Variants in ARL13B observed in about 807,000 individuals in gnomAD.
The protein encoded by ARL13B is ARF like GTPase 13B.
A neutral mutation model predicts 56.1 loss-of-function variants in ARL13B; 36 were observed. That is an observed-to-expected ratio of 0.64 (90% confidence interval 0.49 to 0.85). The LOEUF is 0.85. ARL13B is among the 40% of genes least tolerant of loss of function. ARL13B has a pLI of 0.00. For synonymous variants in ARL13B, 178 were observed against 171.1 expected (o/e 1.04, Z -0.32); for missense variants, 519 against 507.1 (o/e 1.02, Z -0.23).
rs1399117619 is a variant in ARL13B, at chr3:94,043,071, T to A, written c.855T>A (p.Asp285Glu). The change falls in exon 7 of 10, where the codon GAT (aspartate) becomes GAA (glutamate). Residue 285 changes from aspartate (D) to glutamate (E), a missense_variant. Transcript: ENST00000394222. ...ACCAAAAAATGGAGAAAGACAGTGA[T>A]GGCTGCCACCTGAAACATAAAATGG... ...KKNQKMEKDS[D>E]GCHLKHKMEH... is the part of the protein sequence containing the mutation. 1.2e-6 allele frequency: 2 copies of A among 1,613,372 alleles called. No homozygotes were observed. The highest frequency in any genetic ancestry group is 8.5e-7 in the Non-Finnish European group (1 of 1,179,892).
rs201429461 is a variant in ARL13B at position 94,050,812 on chromosome 3, C to A, written c.1142-12C>A. On this transcript the variant is annotated splice_polypyrimidine_tract_variant and intron_variant, in intron 8 of 9. Coordinates refer to ENST00000394222, the MANE Select transcript of ARL13B (RefSeq NM_001174150.2). ...TTAACAGTGTTTTTTAAATGTTTTT[C>A]TTTTTCTTTAGTTGGCTGGGGAACC... 12 of 1,609,810 alleles carry A rather than the reference C, an allele frequency of 7.5e-6. No individual in the cohort carries two copies. Among genetic ancestry groups the A allele is most frequent in the African/African-American group, 2.7e-5 (2 of 74,968 alleles).
At chr3:94,036,406 A>G (rs1161702821) in intron 4 of ARL13B, 146 bp from the exon 5 acceptor site, 3 of 760,944 alleles carry the variant, frequency 3.9e-6, no homozygotes, top group East Asian at 5.4e-5. Flanking sequence ...TTGCAGTGCT[A>G]TGTTTTGGAA....
intron 3 of ARL13B, among the ~76,000 whole-genome samples, chr3:94,022,916 G>C (rs1348374092): frequency 6.6e-6 from 1 of 151,872 alleles, no homozygotes; most frequent in East Asian, 1.9e-4. Context: ...TAAAACTGAA[G>C]TGAATTGAAC....
intron 1 of ARL13B, among the ~76,000 whole-genome samples, chr3:93,983,448 GA>G (rs889508913): frequency 8.5e-5 from 13 of 152,100 alleles, no homozygotes; most frequent in African/African-American, 2.9e-4. Flanking sequence ...ATAAACTCTT[GA>G]AATTTTATTG....
Position 93,980,474 on chromosome 3 carries a change from G to C in ARL13B, c.51G>C (p.Glu17Asp). The C allele has an allele frequency of 6.2e-7, 1 of 1,611,442 alleles. No individual in the cohort carries two copies. Among genetic ancestry groups the C allele is most frequent in the Non-Finnish European group, 8.5e-7 (1 of 1,179,980 alleles). The change falls in exon 1 of 10, where the codon GAG (glutamate) becomes GAC (aspartate). Residue 17 changes from glutamate (E) to aspartate (D), a missense_variant. Transcript: ENST00000394222. ...SCCGWFKRWREPVRKVTLLMV... is the reference protein window; with the variant it reads ...SCCGWFKRWRDPVRKVTLLMV... ...GCGGCTGGTTCAAGCGGTGGCGGGA[G>C]CCTGTCAGGTAGGCTGGAGCCAGCT...
At chr3:93,996,514 C>G in intron 2 of ARL13B, 1 of 268,226 alleles carries the variant, frequency 3.7e-6, no homozygotes, top group Non-Finnish European at 7.7e-6. Flanking sequence ...GCTGGCTAGT[C>G]TTCTTTTTTT....
In ARL13B at chr3:94,036,714, C is replaced by T; in HGVS notation, c.649C>T (p.Gln217Ter). Residue 217 changes from glutamine to a stop codon, truncating the protein, a stop_gained, in exon 5 of 10, where the codon CAA (glutamine) becomes TAA (stop). Transcript: ENST00000394222. LOFTEE classifies it high-confidence loss of function. ...EQRALEEQEK[Q>*]ERAERVRKLR... Reference sequence around the variant, plus strand: ...GCGTGCTCTTGAGGAACAAGAGAAACAAGAAAGAGCTGAACGAGTGCGAAA... The same window carrying T: ...GCGTGCTCTTGAGGAACAAGAGAAATAAGAAAGAGCTGAACGAGTGCGAAA... 4.3e-6 allele frequency: 7 copies of T among 1,613,574 alleles called. No homozygotes were observed. Among genetic ancestry groups the T allele is most frequent in the Non-Finnish European group, 5.9e-6 (7 of 1,179,752 alleles).
chr3:94,042,499 A>G (rs1204181486), intron 6 of ARL13B, among the ~76,000 whole-genome samples: 1 of 152,222 alleles, frequency 6.6e-6, no homozygotes, highest in Non-Finnish European at 1.5e-5. Context: ...TCTAACATTT[A>G]TGTAGCATTT....
chr3:94,015,748 G>A (rs1027340096), intron 3 of ARL13B, among the ~76,000 whole-genome samples: 1 of 152,108 alleles, frequency 6.6e-6, no homozygotes. Context: ...AACCATTGTA[G>A]TGACAGTACA....
rs1367496481 is a variant in ARL13B, at chr3:94,054,548, G to T, written c.*1285G>T. The T allele has an allele frequency of 1.3e-5, 5 of 396,968 alleles. No homozygotes were observed. Among genetic ancestry groups the T allele is most frequent in the African/African-American group, 1.1e-4 (5 of 47,582 alleles). The allele number at this position is 396,968 out of a possible 1,614,324, so 24.6% of individuals were successfully genotyped here. A position where few individuals can be genotyped will look rare whatever the true frequency, so the allele number is the denominator to read the frequency against. On this transcript the variant is annotated 3_prime_UTR_variant, in exon 10 of 10. Coordinates refer to ENST00000394222, the MANE Select transcript of ARL13B (RefSeq NM_001174150.2). ...TTTTTATACCACCTTGTTAAGATTG[G>T]TGCTTTTGGTAACTTGTACTGACAC...
chr3:93,982,756 T>G (rs1280619210), intron 1 of ARL13B, among the ~76,000 whole-genome samples: 2 of 152,164 alleles, frequency 1.3e-5, no homozygotes, highest in Non-Finnish European at 2.9e-5. Flanking sequence ...CTAAGTCCCC[T>G]TGTTCAATGC....
intron 3 of ARL13B, among the ~76,000 whole-genome samples, chr3:94,009,074 A>AAGATAGATAGAT (rs58584662): frequency 0.041 from 5,957 of 143,916 alleles, 150 homozygotes; most frequent in Middle Eastern, 0.067. Context: ...AGGAGCAGTA[A>AAGATAGATAGAT]AGATAGATAG....
chr3:94,046,650 CA>C (rs1297132905), intron 7 of ARL13B, among the ~76,000 whole-genome samples: 1 of 149,722 alleles, frequency 6.7e-6, no homozygotes, highest in African/African-American at 2.4e-5. Context: ...TCATGTACAA[CA>C]AAAAAAAAGA....
intron 3 of ARL13B, among the ~76,000 whole-genome samples, chr3:94,029,610 G>A (rs1250115743): frequency 6.6e-6 from 1 of 151,302 alleles, no homozygotes; most frequent in Non-Finnish European, 1.5e-5. Flanking sequence ...CAAAGTTCTG[G>A]GATTACAGAT....
At position 94,055,643 on chromosome 3, in the gene ARL13B, C is replaced by G. The variant is rs1399379886; in HGVS notation, c.*2380C>G. The G allele has an allele frequency of 2.2e-6, 1 of 453,058 alleles. No individual in the cohort carries two copies. Among genetic ancestry groups the G allele is most frequent in the Non-Finnish European group, 4.4e-6 (1 of 226,246 alleles). The allele number at this position is 453,058 out of a possible 1,614,324, so 28.1% of individuals were successfully genotyped here. A position where few individuals can be genotyped will look rare whatever the true frequency, so the allele number is the denominator to read the frequency against. On this transcript the variant is annotated 3_prime_UTR_variant, in exon 10 of 10. Coordinates refer to ENST00000394222, the MANE Select transcript of ARL13B (RefSeq NM_001174150.2). ...GTAGTATACATGATATTGTATGTAA[C>G]TGACTTCAAATATAAAACTATGCAT...
chr3:93,984,903 G>T (rs988164189), intron 1 of ARL13B, among the ~76,000 whole-genome samples: 1 of 152,034 alleles, frequency 6.6e-6, no homozygotes, highest in Non-Finnish European at 1.5e-5. Context: ...CGAGCTACTT[G>T]GGGGGCTGAG....
chr3:94,053,479 A>T lies in ARL13B; in HGVS notation c.*216A>T. ...AAGAAGCACAATGACCAGTACATGA[A>T]ATCAGCATTTGGACCAAATTAGCAA... On this transcript the variant is annotated 3_prime_UTR_variant, in exon 10 of 10. Transcript: ENST00000394222. 1 of 664,494 alleles carries T rather than the reference A, an allele frequency of 1.5e-6. No individual in the cohort carries two copies. Among genetic ancestry groups the T allele is most frequent in the African/African-American group, 1.8e-5 (1 of 56,418 alleles). The allele number at this position is 664,494 out of a possible 1,614,324, so 41.2% of individuals were successfully genotyped here. A position where few individuals can be genotyped will look rare whatever the true frequency, so the allele number is the denominator to read the frequency against.
chr3:94,005,764 A>G (rs1019301730), intron 3 of ARL13B, among the ~76,000 whole-genome samples: 1 of 152,236 alleles, frequency 6.6e-6, no homozygotes, highest in African/African-American at 2.4e-5. Flanking sequence ...GCTTTTTGGA[A>G]GGAATGTGAT....
At chr3:94,000,055 G>A (rs1575949772) in intron 2 of ARL13B, among the ~76,000 whole-genome samples, 2 of 152,146 alleles carry the variant, frequency 1.3e-5, no homozygotes, top group East Asian at 3.8e-4. Context: ...TTCTTTAGGA[G>A]CTGAACCAAA....
Sources: allele counts gnomAD v4.1 joint callset (sites outside exome capture counted in the v4.1 genomes callset), GRCh38; gene constraint gnomAD v4.1.1; transcripts MANE v1.5; gene names NCBI Gene and HGNC (gene_info 2026-07-23, HGNC 2026-07-21).